Variants in CPHXL2 observed in about 807,000 individuals in gnomAD.
CPHXL2 encodes cytoplasmic polyadenylated homeobox like 2.
chr16:75,673,075 C>CAAAAAAAAAAAAAAAAAAAAA, the CPHXL2 span, among the ~76,000 whole-genome samples: 22 of 73,100 alleles, frequency 3.0e-4, no homozygotes, highest in Non-Finnish European at 4.0e-4. Flanking sequence ...GACCTTGTCT[C>CAAAAAAAAAAAAAAAAAAAAA]AAAAAAAAAA....
At chr16:75,668,226 T>C in the CPHXL2 span, among the ~76,000 whole-genome samples, 14 of 97,126 alleles carry the variant, frequency 1.4e-4, no homozygotes, top group African/African-American at 1.3e-3. Flanking sequence ...TATATATACA[T>C]ATATATTTTT....
At chr16:75,666,295 G>A in the CPHXL2 span, among the ~76,000 whole-genome samples, 1 of 152,066 alleles carries the variant, frequency 6.6e-6, no homozygotes, top group African/African-American at 2.4e-5. Flanking sequence ...ATTACTACCA[G>A]ACCTAAGAAA....
At chr16:75,672,261 AGAGT>A in the CPHXL2 span, among the ~76,000 whole-genome samples, 5 of 151,652 alleles carry the variant, frequency 3.3e-5, 1 homozygote, top group African/African-American at 1.2e-4. Flanking sequence ...CCTGGGCTAC[AGAGT>A]GAGACTCCAT....
chr16:75,660,587 C>T, the CPHXL2 span: 1 of 398,604 alleles, frequency 2.5e-6, no homozygotes, highest in Non-Finnish European at 4.4e-6. Flanking sequence ...GTTGGTGCTG[C>T]TGTGGGTGAT....
chr16:75,667,571 G>A, the CPHXL2 span, among the ~76,000 whole-genome samples: 2 of 152,248 alleles, frequency 1.3e-5, no homozygotes, highest in Non-Finnish European at 2.9e-5. Context: ...TTTCTCAACT[G>A]ATTCTATGAT....
the CPHXL2 span, among the ~76,000 whole-genome samples, chr16:75,668,249 G>A: frequency 1.5e-5 from 2 of 132,992 alleles, no homozygotes; most frequent in Admixed American, 1.6e-4. Context: ...TTTTTTTTGA[G>A]ACAGAGCCTC....
At chr16:75,675,058 G>C in the CPHXL2 span, among the ~76,000 whole-genome samples, 1 of 150,998 alleles carries the variant, frequency 6.6e-6, no homozygotes, top group African/African-American at 2.4e-5. Context: ...TCATGGTGGT[G>C]GGCACCTGTA....
chr16:75,668,538 T>C, the CPHXL2 span, among the ~76,000 whole-genome samples: 1 of 152,130 alleles, frequency 6.6e-6, no homozygotes, highest in Non-Finnish European at 1.5e-5. Context: ...ATATTTTTCA[T>C]ATTGTGTGTG....
At chr16:75,660,397 T>C in the CPHXL2 span, 2 of 398,728 alleles carry the variant, frequency 5.0e-6, no homozygotes, top group East Asian at 3.6e-5. Flanking sequence ...AGGGGTGAGT[T>C]GGCAGCTATT....
chr16:75,669,789 C>T, the CPHXL2 span, among the ~76,000 whole-genome samples: 1 of 152,190 alleles, frequency 6.6e-6, no homozygotes, highest in Non-Finnish European at 1.5e-5. Flanking sequence ...TTTGAAACAC[C>T]AGTCACCAGC....
the CPHXL2 span, chr16:75,669,451 T>G: frequency 3.5e-5 from 14 of 400,706 alleles, no homozygotes; most frequent in Admixed American, 1.3e-4. Flanking sequence ...AAATATTTCC[T>G]TAAGTTCCTG....
chr16:75,671,912 G>A, the CPHXL2 span, among the ~76,000 whole-genome samples: 1 of 152,168 alleles, frequency 6.6e-6, no homozygotes, highest in African/African-American at 2.4e-5. Flanking sequence ...GCTTTTGCAT[G>A]CTAATAAAGG....
chr16:75,666,526 T>G, the CPHXL2 span, among the ~76,000 whole-genome samples: 3 of 149,232 alleles, frequency 2.0e-5, no homozygotes, highest in Non-Finnish European at 4.4e-5. Flanking sequence ...GAGAATTGCT[T>G]GAACCTGGGA....
At chr16:75,669,489 G>C in the CPHXL2 span, 2 of 400,260 alleles carry the variant, frequency 5.0e-6, no homozygotes, top group East Asian at 7.1e-5. Flanking sequence ...ATTTATGTCG[G>C]TGTTTTGTTT....
the CPHXL2 span, among the ~76,000 whole-genome samples, chr16:75,670,184 G>C: frequency 6.6e-6 from 1 of 152,158 alleles, no homozygotes; most frequent in Non-Finnish European, 1.5e-5. Context: ...AAAGTGCTGG[G>C]ATTACAGGGG....
chr16:75,662,621 T>C, the CPHXL2 span, among the ~76,000 whole-genome samples: 2 of 152,074 alleles, frequency 1.3e-5, no homozygotes, highest in East Asian at 1.9e-4. Context: ...AGACCAAATA[T>C]ATATATTTAG....
the CPHXL2 span, among the ~76,000 whole-genome samples, chr16:75,668,664 T>C: frequency 6.6e-6 from 1 of 152,238 alleles, no homozygotes; most frequent in Non-Finnish European, 1.5e-5. Flanking sequence ...CTCATGTCCT[T>C]AAAACCATCT....
At chr16:75,660,737 C>A in the CPHXL2 span, 1 of 398,662 alleles carries the variant, frequency 2.5e-6, no homozygotes. Context: ...TGGTTTCAGT[C>A]CTTTCTCCAT....
chr16:75,666,047 A>G, the CPHXL2 span, among the ~76,000 whole-genome samples: 1 of 152,186 alleles, frequency 6.6e-6, no homozygotes, highest in Non-Finnish European at 1.5e-5. Flanking sequence ...CTCACCTAAC[A>G]TGTAAGAACT....
Sources: gnomAD v4.1 joint callset for allele counts (sites outside exome capture counted in the v4.1 genomes callset) on GRCh38, gnomAD v4.1.1 for gene constraint, MANE v1.5 for transcripts, NCBI Gene and HGNC (gene_info 2026-07-23, HGNC 2026-07-21) for gene names.